Variants in CCND3 observed in about 807,000 individuals in gnomAD.
CCND3 encodes the protein cyclin D3, also known as G1/S-specific cyclin-D3.
In CCND3, 9 loss-of-function variants were observed where a neutral mutation model predicts 28.7. That is an observed-to-expected ratio of 0.31 (90% confidence interval 0.19 to 0.55). The LOEUF (loss-of-function observed/expected upper bound fraction) is 0.55. Among genes scored for constraint, CCND3 ranks in the 20% least tolerant of loss-of-function variants. The probability of loss-of-function intolerance (pLI) is 0.93; values close to 1 mark genes in which losing one functional copy is unlikely to be tolerated. For synonymous variants in CCND3, 164 were observed against 163.9 expected (o/e 1.00, Z 0.00); for missense variants, 315 against 385.8 (o/e 0.82, Z 1.54).
At chr6:41,956,800 G>A (rs545096986) in intron 1 of CCND3, among the ~76,000 whole-genome samples, 5 of 152,024 alleles carry the variant, frequency 3.3e-5, no homozygotes, top group Non-Finnish European at 5.9e-5. Context: ...AGGCTGAGGC[G>A]GGCGGATCAC....
chr6:42,015,934 TTTTA>T (rs889605330), intron 1 of CCND3, among the ~76,000 whole-genome samples: 2 of 151,734 alleles, frequency 1.3e-5, no homozygotes, highest in South Asian at 4.2e-4. Flanking sequence ...TTTATTTATT[TTTTA>T]TTTATTTATT....
upstream of CCND3, among the ~76,000 whole-genome samples, chr6:41,945,506 C>T (rs1003723678): frequency 3.4e-5 from 5 of 147,558 alleles, no homozygotes; most frequent in African/African-American, 4.8e-5. Flanking sequence ...AAGAGCGAAA[C>T]TCTGTCTCCA....
At chr6:42,004,589 A>T (rs1338563841) in intron 1 of CCND3, among the ~76,000 whole-genome samples, 1 of 152,046 alleles carries the variant, frequency 6.6e-6, no homozygotes. Context: ...AAAAATAGCC[A>T]GGTGTGGTGG....
At chr6:41,974,764 T>TA (rs1353788988) in intron 1 of CCND3, among the ~76,000 whole-genome samples, 1 of 150,548 alleles carries the variant, frequency 6.6e-6, no homozygotes, top group African/African-American at 2.4e-5. Flanking sequence ...GTATTTCTCT[T>TA]AAGCCTAACT....
At chr6:42,022,126 T>G (rs977448650) in intron 1 of CCND3, among the ~76,000 whole-genome samples, 5 of 152,340 alleles carry the variant, frequency 3.3e-5, no homozygotes, top group Middle Eastern at 3.4e-3. Flanking sequence ...ATTTTCAGAT[T>G]GAGTTCCACA....
At chr6:41,955,368 A>G (rs1483915697) in intron 1 of CCND3, among the ~76,000 whole-genome samples, 2 of 152,206 alleles carry the variant, frequency 1.3e-5, no homozygotes, top group East Asian at 3.8e-4. Flanking sequence ...AGTTGACTGT[A>G]TACCAAAGTG....
chr6:41,974,763 T>C (rs1762126324), intron 1 of CCND3, among the ~76,000 whole-genome samples: 1 of 150,978 alleles, frequency 6.6e-6, no homozygotes, highest in African/African-American at 2.4e-5. Context: ...GGTATTTCTC[T>C]TAAGCCTAAC....
intron 1 of CCND3, among the ~76,000 whole-genome samples, chr6:41,987,505 CTCTCTCTCTCTCTGTGTGTG>C (rs750408212): frequency 0.047 from 4,413 of 94,564 alleles, 121 homozygotes; most frequent in Middle Eastern, 0.083. Flanking sequence ...CTCTCTCTCT[CTCTCTCTCTCTCTGTGTGTG>C]TGTGTGTGTG....
intron 1 of CCND3, among the ~76,000 whole-genome samples, chr6:42,028,965 G>A (rs202142727): frequency 1.4e-5 from 2 of 142,008 alleles, no homozygotes; most frequent in African/African-American, 5.6e-5. Context: ...CCACCACCTT[G>A]AAACGGTTTT....
intron 1 of CCND3, among the ~76,000 whole-genome samples, chr6:42,002,113 T>TC (rs1208578926): frequency 4.3e-4 from 10 of 23,528 alleles, no homozygotes; most frequent in African/African-American, 7.0e-4. Context: ...AAAACTTTCT[T>TC]TAAAAAAAAA....
intron 1 of CCND3, among the ~76,000 whole-genome samples, chr6:41,959,920 C>A (rs1263855149): frequency 1.3e-5 from 2 of 148,446 alleles, no homozygotes; most frequent in Admixed American, 6.8e-5. Flanking sequence ...CGCGACACTG[C>A]ACTCCAACCT....
At chr6:42,006,717 G>T (rs1375170660) in intron 1 of CCND3, among the ~76,000 whole-genome samples, 1 of 151,978 alleles carries the variant, frequency 6.6e-6, no homozygotes, top group Non-Finnish European at 1.5e-5. Flanking sequence ...GACCATCCTG[G>T]CTAACACGGT....
chr6:42,044,076 G>A (rs1353764379), intron 1 of CCND3, among the ~76,000 whole-genome samples: 3 of 152,202 alleles, frequency 2.0e-5, no homozygotes, highest in Admixed American at 6.5e-5. Context: ...CTGGGCACAC[G>A]GGTCCCTCTC....
chr6:41,952,038 AG>A (rs1561958433), intron 1 of CCND3, among the ~76,000 whole-genome samples: 1 of 152,204 alleles, frequency 6.6e-6, no homozygotes, highest in Non-Finnish European at 1.5e-5. Flanking sequence ...CTGGGATTAC[AG>A]GCATGAGCCA....
rs748731219 is a variant in CCND3, at chr6:42,048,695, T to TCCGCG, written c.-245_-241dup. On this transcript the variant is annotated 5_prime_UTR_variant, in exon 1 of 5. Coordinates refer to the CCND3 transcript ENST00000372988. This position sits in a 1 kb window ranked among gnomAD's most constrained non-coding sequence, Gnocchi z 4.7. ...CTGCAGTGGCGAAGTGTTTACAAAG[T>TCCGCG]CCGCGCCGCGCCGCCGATCCAGAGC... The TCCGCG allele has an allele frequency of 1.4e-5, 7 of 516,546 alleles. No homozygotes were observed. The highest frequency in any genetic ancestry group is 1.9e-5 in the Non-Finnish European group (5 of 258,970). The allele number at this position is 516,546 out of a possible 1,614,324, so 32.0% of individuals were successfully genotyped here.
chr6:41,971,511 G>A (rs1762031055), intron 1 of CCND3, among the ~76,000 whole-genome samples: 1 of 151,820 alleles, frequency 6.6e-6, no homozygotes, highest in Non-Finnish European at 1.5e-5. Context: ...ACCTTACCTG[G>A]ATATGAATCC....
intron 1 of CCND3, among the ~76,000 whole-genome samples, chr6:41,966,952 A>G (rs1289093497): frequency 2.0e-5 from 3 of 152,206 alleles, no homozygotes; most frequent in Non-Finnish European, 4.4e-5. Flanking sequence ...CTAGGTATTA[A>G]TAACTGCTCC....
intron 2 of CCND3, among the ~76,000 whole-genome samples, chr6:41,940,140 T>G: frequency 6.6e-6 from 1 of 151,836 alleles, no homozygotes; most frequent in African/African-American, 2.4e-5. Flanking sequence ...CCCCTGGAGG[T>G]CAGGAGGAGG....
chr6:41,937,165 T>G (rs773858961), intron 3 of CCND3, 70 bp downstream of exon 3: 3 of 1,527,368 alleles, frequency 2.0e-6, no homozygotes, highest in African/African-American at 2.7e-5. Context: ...ACCAGAATCT[T>G]CAGTTACCTC....
Sources: gnomAD v4.1 joint callset for allele counts (sites outside exome capture counted in the v4.1 genomes callset) on GRCh38, gnomAD v4.1.1 for gene constraint, Gnocchi (gnomAD v3.1) non-coding constraint, MANE v1.5 for transcripts, NCBI Gene and HGNC (gene_info 2026-07-23, HGNC 2026-07-21) for gene names.